Variants in ADAMTSL1 observed in about 807,000 individuals in gnomAD.
ADAMTSL1 encodes the protein ADAMTS like 1, also known as ADAMTS-like protein 1.
ADAMTSL1 carries 126 observed loss-of-function variants against 201.8 expected under a neutral mutation model. The observed-to-expected ratio is 0.62, with a 90% CI of 0.54 to 0.72. ADAMTSL1 has a LOEUF of 0.72. ADAMTSL1 is among the 30% of genes least tolerant of loss of function. The pLI is 0.00. For missense variants in ADAMTSL1, 2,679 were observed against 2,277.8 expected (o/e 1.18, Z -3.59); for synonymous variants, 1,121 against 903.4 (o/e 1.24, Z -4.32).
chr9:18,400,656 A>G (rs916730879), intron 2 of ADAMTSL1, among the ~76,000 whole-genome samples: 2 of 152,132 alleles, frequency 1.3e-5, no homozygotes, highest in Admixed American at 6.5e-5. Flanking sequence ...TGAAAACCAA[A>G]CCCTCAGCTT....
chr9:18,901,147 T>TA (rs1449039423), intron 26 of ADAMTSL1, among the ~76,000 whole-genome samples: 7 of 146,682 alleles, frequency 4.8e-5, no homozygotes, highest in African/African-American at 1.5e-4. Context: ...TTTTCTTTAT[T>TA]TAAAAAAAAA....
In ADAMTSL1 at chr9:18,628,882, TC is replaced by T. The variant is rs1280459388; in HGVS notation, c.601+6514del. 3.3e-5 allele frequency among the ~76,000 whole-genome samples: 5 copies of T among 152,338 alleles called. No individual in the cohort carries two copies. In the East Asian group the frequency reaches 9.7e-4, roughly 29 times the overall value. The stretch of plus-strand genomic sequence containing the variant: ...CTTTTTTAAAATTAGAGATGAGGTT[TC>T]ACTATGTTGCCCAGACTGAAGTGCA... On this transcript the variant is annotated intron_variant, in intron 5 of 28. Transcript: ENST00000380548.
At chr9:18,804,330 G>A (rs558820471) in intron 20 of ADAMTSL1, among the ~76,000 whole-genome samples, 2 of 152,254 alleles carry the variant, frequency 1.3e-5, no homozygotes, top group South Asian at 2.1e-4. Context: ...AACTGGTGAA[G>A]ACAAAGGGTA....
At chr9:18,211,767 A>G (rs1313844527) in intron 2 of ADAMTSL1, among the ~76,000 whole-genome samples, 1 of 152,216 alleles carries the variant, frequency 6.6e-6, no homozygotes, top group African/African-American at 2.4e-5. Context: ...TGTTTCCTTT[A>G]CAAAACTTTG....
At chr9:18,122,797 T>G (rs1302333350) in intron 1 of ADAMTSL1, among the ~76,000 whole-genome samples, 1 of 152,114 alleles carries the variant, frequency 6.6e-6, no homozygotes, top group Admixed American at 6.6e-5. Flanking sequence ...TTTGTTTTTT[T>G]GGGGACTAGG....
intron 2 of ADAMTSL1, among the ~76,000 whole-genome samples, chr9:18,461,222 G>T (rs758088897): frequency 3.9e-5 from 6 of 151,958 alleles, no homozygotes; most frequent in African/African-American, 1.5e-4. Context: ...CAAATATTGC[G>T]TATATTTTAA....
intron 5 of ADAMTSL1, among the ~76,000 whole-genome samples, chr9:18,626,840 T>TCC (rs199727189): frequency 0.2 from 15,692 of 76,816 alleles, 1,094 homozygotes; most frequent in Admixed American, 0.31. Flanking sequence ...TTACTTTCTT[T>TCC]TTCTTTCTTT....
rs187018709 is a variant in ADAMTSL1, at chr9:18,603,906, A to G, written c.475-18337A>G. On this transcript the variant is annotated intron_variant, in intron 4 of 28. Coordinates refer to ENST00000380548, the MANE Select transcript of ADAMTSL1 (RefSeq NM_001040272.6). Reference sequence around the variant, plus strand: ...ATAATTGGTGCCACAAAGAAAAGACAGTACAGAGACAAAAGATCTCTCAGC... The same window carrying G: ...ATAATTGGTGCCACAAAGAAAAGACGGTACAGAGACAAAAGATCTCTCAGC... Among the ~76,000 whole-genome samples, 288 of 152,360 alleles carry G rather than the reference A, an allele frequency of 1.9e-3. 3 individuals carry two copies. Among genetic ancestry groups the G allele is most frequent in the African/African-American group, 6.4e-3 (266 of 41,590 alleles).
chr9:18,205,600 A>T (rs1169574359), intron 2 of ADAMTSL1, among the ~76,000 whole-genome samples: 1 of 152,116 alleles, frequency 6.6e-6, no homozygotes, highest in Non-Finnish European at 1.5e-5. Context: ...ACAGGCGAAA[A>T]GCAAGCTAGG....
chr9:18,574,595 TTGTG>T (rs10650608), intron 4 of ADAMTSL1: 2,445 of 335,042 alleles, frequency 7.3e-3, no homozygotes, highest in East Asian at 0.038. Flanking sequence ...GTGTTTGTGT[TTGTG>T]TGTGTGTGTG....
chr9:18,534,762 A>G (rs1219510244), intron 3 of ADAMTSL1, among the ~76,000 whole-genome samples: 2 of 152,164 alleles, frequency 1.3e-5, no homozygotes, highest in Non-Finnish European at 2.9e-5. Context: ...GACCACCACA[A>G]CATGGAAGCT....
chr9:18,787,066 C>T (rs1052128441), intron 19 of ADAMTSL1, among the ~76,000 whole-genome samples: 11 of 152,116 alleles, frequency 7.2e-5, no homozygotes, highest in African/African-American at 2.7e-4. Context: ...ATGTACAAGT[C>T]ATAAGCACAT....
intron 2 of ADAMTSL1, among the ~76,000 whole-genome samples, chr9:18,389,211 G>C (rs1837942629): frequency 6.7e-6 from 1 of 150,294 alleles, no homozygotes; most frequent in South Asian, 2.1e-4. Flanking sequence ...AAATTGAACA[G>C]AGTTTCAGAT....
intron 1 of ADAMTSL1, among the ~76,000 whole-genome samples, chr9:18,031,616 A>T (rs1026194347): frequency 6.6e-6 from 1 of 152,074 alleles, no homozygotes; most frequent in African/African-American, 2.4e-5. Context: ...GGAAGGGGAG[A>T]TGGGAGGGTG....
At chr9:18,032,994 T>C (rs926917675) in intron 1 of ADAMTSL1, among the ~76,000 whole-genome samples, 1 of 152,164 alleles carries the variant, frequency 6.6e-6, no homozygotes, top group Non-Finnish European at 1.5e-5. Flanking sequence ...TGTAATCGTT[T>C]ACTTGATATT....
rs140041712 is a variant in ADAMTSL1, at chr9:18,813,530, C to T, written c.3806-3579C>T. ...AATGTTTTATACTTTTCAGTGTAGA[C>T]ATATTTCACCTCCTTGGTTAAATTT... is the stretch of plus-strand genomic sequence containing the variant. On this transcript the variant is annotated intron_variant, in intron 20 of 28. Coordinates refer to ENST00000380548, the MANE Select transcript of ADAMTSL1 (RefSeq NM_001040272.6). Among the ~76,000 whole-genome samples, 172 of 152,266 alleles carry T rather than the reference C, an allele frequency of 1.1e-3. 2 individuals carry two copies. In the East Asian group the frequency reaches 0.026, roughly 23 times the overall value.
chr9:18,801,215 G>C (rs1411787796), intron 20 of ADAMTSL1, among the ~76,000 whole-genome samples: 1 of 152,108 alleles, frequency 6.6e-6, no homozygotes, highest in Non-Finnish European at 1.5e-5. Context: ...TAGTCACAAT[G>C]TTGACCCTAA....
intron 2 of ADAMTSL1, among the ~76,000 whole-genome samples, chr9:18,446,785 T>A (rs779225036): frequency 7.9e-5 from 12 of 152,172 alleles, no homozygotes; most frequent in Non-Finnish European, 1.2e-4. Context: ...AACTTTCGGG[T>A]AATAGTGCTT....
In ADAMTSL1 at chr9:18,574,013, C is replaced by G; in HGVS notation, c.238-17C>G. ...TCCTCCTAACCTTTGTATGTCCTTTCTCTCTTTTTTCTCCAGGACTGCCCA... is the reference window on the plus strand; with the variant it reads ...TCCTCCTAACCTTTGTATGTCCTTTGTCTCTTTTTTCTCCAGGACTGCCCA... On this transcript the variant is annotated splice_polypyrimidine_tract_variant and intron_variant, in intron 3 of 28. Transcript: ENST00000380548. The G allele has an allele frequency of 6.2e-7, 1 of 1,605,676 alleles. No individual in the cohort carries two copies. The highest frequency in any genetic ancestry group is 8.5e-7 in the Non-Finnish European group (1 of 1,174,506).
Sources: allele counts gnomAD v4.1 joint callset (sites outside exome capture counted in the v4.1 genomes callset), GRCh38; gene constraint gnomAD v4.1.1; transcripts MANE v1.5; gene names NCBI Gene and HGNC (gene_info 2026-07-23, HGNC 2026-07-21).